The following SMYD2 variants were observed in gnomAD, a reference collection of about 807,000 sequenced individuals.
SMYD2 encodes N-lysine methyltransferase SMYD2.
Under a neutral mutation model 59.1 loss-of-function variants are expected in SMYD2, and 53 were observed. The ratio of observed to expected loss-of-function variants is 0.90; its 90% CI spans 0.72 to 1.13. SMYD2 has a LOEUF of 1.13. Among genes scored for constraint, SMYD2 ranks in the 50% most tolerant of loss-of-function variants. SMYD2 has a pLI of 0.00. For missense variants in SMYD2, 494 were observed against 544.7 expected, an observed-to-expected ratio of 0.91 and a Z score of 0.93; for synonymous variants, 208 against 198.8, an observed-to-expected ratio of 1.05 and a Z score of -0.39.
intron 3 of SMYD2, among the ~76,000 whole-genome samples, chr1:214,315,360 G>A (rs2102469230): frequency 6.6e-6 from 1 of 152,176 alleles, no homozygotes; most frequent in East Asian, 1.9e-4. Flanking sequence ...ACTATGACAT[G>A]TGCAAAGAAG....
intron 10 of SMYD2, 89 bp downstream of exon 10, chr1:214,332,281 G>A: frequency 6.8e-7 from 1 of 1,476,378 alleles, no homozygotes; most frequent in African/African-American, 1.4e-5. Flanking sequence ...GCCCATTGCT[G>A]AGACTTGCCT....
At chr1:214,303,960 G>A (rs78905729) in intron 1 of SMYD2, among the ~76,000 whole-genome samples, 6,479 of 152,316 alleles carry the variant, frequency 0.043, 178 homozygotes, top group South Asian at 0.17. Flanking sequence ...TACCGATTGC[G>A]CTCTGACTTA....
At chr1:214,287,826 T>C (rs1422910969) in intron 1 of SMYD2, among the ~76,000 whole-genome samples, 3 of 152,158 alleles carry the variant, frequency 2.0e-5, no homozygotes, top group Non-Finnish European at 2.9e-5. Flanking sequence ...CAAATATTTA[T>C]AGAGAGAAAT....
chr1:214,335,244 A>AG, intron 11 of SMYD2, among the ~76,000 whole-genome samples: 2 of 152,246 alleles, frequency 1.3e-5, no homozygotes, highest in Non-Finnish European at 2.9e-5. Flanking sequence ...CCCAAATAGA[A>AG]GGGTCAGGGC....
chr1:214,331,011 A>G lies in SMYD2; in HGVS notation c.878A>G (p.Asp293Gly). Residue 293 changes from aspartate to glycine, a missense_variant, in exon 9 of 12, where the codon GAC (aspartate) becomes GGC (glycine). Coordinates refer to ENST00000366957, the MANE Select transcript of SMYD2 (RefSeq NM_020197.3). Reference sequence around the variant, plus strand: ...CCCCCAAAGGCAGAAGCCATCCGAGACATGGTCAGATATGCACGCAACGTC... The same window carrying G: ...CCCCCAAAGGCAGAAGCCATCCGAGGCATGGTCAGATATGCACGCAACGTC... ...SDPPKAEAIR[D>G]MVRYARNVIE... The G allele has an allele frequency of 6.2e-7, 1 of 1,614,242 alleles. No individual in the cohort carries two copies. Among genetic ancestry groups the G allele is most frequent in the South Asian group, 1.1e-5 (1 of 91,090 alleles).
intron 1 of SMYD2, among the ~76,000 whole-genome samples, chr1:214,290,707 A>G (rs1040583000): frequency 1.3e-5 from 2 of 152,214 alleles, no homozygotes; most frequent in Non-Finnish European, 2.9e-5. Flanking sequence ...GGGACGTGGT[A>G]AGATAATCTG....
intron 3 of SMYD2, 140 bp downstream of exon 3, chr1:214,315,012 G>T (rs1011430248): frequency 8.9e-6 from 6 of 672,572 alleles, no homozygotes; most frequent in Non-Finnish European, 1.6e-5. Context: ...ATATGGACAG[G>T]GGTGGGGAAA....
chr1:214,316,885 A>G (rs6677732), intron 3 of SMYD2, among the ~76,000 whole-genome samples: 142,775 of 152,230 alleles, frequency 0.94, 67,067 homozygotes, highest in East Asian at 1. Context: ...TGGGCTGAAT[A>G]AGTCAGAGGG....
intron 1 of SMYD2, among the ~76,000 whole-genome samples, chr1:214,284,659 C>A (rs776090496): frequency 9.9e-5 from 15 of 151,782 alleles, no homozygotes; most frequent in Non-Finnish European, 1.9e-4. Context: ...CTCCGCCTCC[C>A]GGGTTCAAGT....
Position 214,331,037 on chromosome 1 carries a change from A to G in SMYD2, c.904A>G (p.Ile302Val). ...CATGGTCAGATATGCACGCAACGTC[A>G]TTGAAGAGTTCCGGAGGGCCAAGCA... is the stretch of plus-strand genomic sequence containing the variant. ...RDMVRYARNV[I>V]EEFRRAKHYK... The change falls in exon 9 of 12, where the codon ATT becomes GTT. Residue 302 changes from isoleucine (I) to valine (V), a missense_variant. Ile to Val is a conservative substitution (Grantham distance 29, BLOSUM62 3). Transcript: ENST00000366957. 6.2e-7 allele frequency: 1 copy of G among 1,614,258 alleles called. No homozygotes were observed. The highest frequency in any genetic ancestry group is 1.1e-5 in the South Asian group (1 of 91,088).
rs760710296 is a variant in SMYD2 at position 214,327,710 on chromosome 1, A to C, written c.691A>C (p.Lys231Gln). The part of the protein sequence containing the change: ...LAEVRAVQEI[K>Q]PGEEVFTSYI... Reference sequence around the variant, plus strand: ...AGAAGTCAGAGCTGTACAGGAAATCAAGCCGGGAGAGGAGGTGAGTTCATG... The same window carrying C: ...AGAAGTCAGAGCTGTACAGGAAATCCAGCCGGGAGAGGAGGTGAGTTCATG... The change falls in exon 7 of 12, where the codon AAG becomes CAG. Residue 231 changes from lysine to glutamine, a missense_variant. Transcript: ENST00000366957. The C allele has an allele frequency of 3.1e-6, 5 of 1,614,030 alleles. No homozygotes were observed. In the Admixed American group the frequency reaches 5.0e-5, roughly 16 times the overall value.
At position 214,336,799 on chromosome 1, in the gene SMYD2, T is replaced by C; in HGVS notation, c.*15T>C. The stretch of plus-strand genomic sequence containing the variant: ...AAAGCCACTGAAACTATGCAGCATT[T>C]CAGTTTTCATTTAAACACTTAGTTC... On this transcript the variant is annotated 3_prime_UTR_variant, in exon 12 of 12. Coordinates refer to ENST00000366957, the MANE Select transcript of SMYD2 (RefSeq NM_020197.3). 6.2e-7 allele frequency: 1 copy of C among 1,607,700 alleles called. No individual in the cohort carries two copies. Among genetic ancestry groups the C allele is most frequent in the Non-Finnish European group, 8.5e-7 (1 of 1,176,510 alleles).
chr1:214,313,591 T>G (rs1342241040), intron 2 of SMYD2, among the ~76,000 whole-genome samples: 1 of 152,046 alleles, frequency 6.6e-6, no homozygotes, highest in African/African-American at 2.4e-5. Flanking sequence ...ATCTGCTCCC[T>G]GTCATTTCTT....
At chr1:214,332,244 G>C (rs761451164) in intron 10 of SMYD2, 52 bp downstream of exon 10, 1 of 1,591,990 alleles carries the variant, frequency 6.3e-7, no homozygotes, top group South Asian at 1.1e-5. Flanking sequence ...TGGTTGTTTA[G>C]AATGTATACG....
chr1:214,290,370 T>C (rs1291095387), intron 1 of SMYD2, among the ~76,000 whole-genome samples: 1 of 152,226 alleles, frequency 6.6e-6, no homozygotes, highest in African/African-American at 2.4e-5. Flanking sequence ...TAGCGACTCT[T>C]GTACATGAAG....
chr1:214,313,602 AC>A (rs1028343374), intron 2 of SMYD2, among the ~76,000 whole-genome samples: 12 of 151,610 alleles, frequency 7.9e-5, no homozygotes, highest in African/African-American at 2.4e-4. Flanking sequence ...GTCATTTCTT[AC>A]CCCATCATCC....
chr1:214,320,340 G>A (rs573026113), intron 5 of SMYD2, among the ~76,000 whole-genome samples: 66 of 152,306 alleles, frequency 4.3e-4, no homozygotes, highest in African/African-American at 1.5e-3. Flanking sequence ...TGTCTTCCGA[G>A]TTGTGGAAAA....
Position 214,302,524 on chromosome 1 carries a change from G to A in SMYD2, c.174-2663G>A, listed in dbSNP as rs576217077. On this transcript the variant is annotated intron_variant, in intron 1 of 11. Coordinates refer to ENST00000366957, the MANE Select transcript of SMYD2 (RefSeq NM_020197.3). Reference sequence around the variant, plus strand: ...TCACCAACTCCCTGAAAGGGTCTCCGGGACCCCAGCAGTCTGTAGACCTTC... The same window carrying A: ...TCACCAACTCCCTGAAAGGGTCTCCAGGACCCCAGCAGTCTGTAGACCTTC... Among the ~76,000 whole-genome samples, 65 of 152,180 alleles carry A rather than the reference G, an allele frequency of 4.3e-4. 1 individual carries two copies. Among genetic ancestry groups the A allele is most frequent in the African/African-American group, 1.3e-3 (55 of 41,522 alleles).
At chr1:214,319,354 C>G (rs2102471437) in intron 5 of SMYD2, among the ~76,000 whole-genome samples, 1 of 152,316 alleles carries the variant, frequency 6.6e-6, no homozygotes. Context: ...CTTAAACCTT[C>G]TGTTCTATCT....
Sources: gnomAD v4.1 joint callset for allele counts (sites outside exome capture counted in the v4.1 genomes callset) on GRCh38, gnomAD v4.1.1 for gene constraint, MANE v1.5 for transcripts, NCBI Gene and HGNC (gene_info 2026-07-23, HGNC 2026-07-21) for gene names.